Variants in KCNMB2 observed in about 807,000 individuals in gnomAD.
KCNMB2 encodes the protein potassium calcium-activated channel subfamily M regulatory beta subunit 2, also known as calcium-activated potassium channel subunit beta-2.
A neutral mutation model predicts 24.5 loss-of-function variants in KCNMB2; 9 were observed. The ratio of observed to expected loss-of-function variants is 0.37; its 90% confidence interval spans 0.22 to 0.64. KCNMB2 has a LOEUF of 0.64. Among genes scored for constraint, KCNMB2 ranks in the 30% least tolerant of loss-of-function variants. The pLI, the probability that KCNMB2 is intolerant of heterozygous loss-of-function variation, is 0.63. For missense variants in KCNMB2, 226 were observed against 284.3 expected, an observed-to-expected ratio of 0.79 and a Z score of 1.47; for synonymous variants, 109 against 104.4, an observed-to-expected ratio of 1.04 and a Z score of -0.27.
intron 1 of KCNMB2, among the ~76,000 whole-genome samples, chr3:178,718,083 T>C (rs1559987613): frequency 6.6e-6 from 1 of 152,220 alleles, no homozygotes; most frequent in East Asian, 1.9e-4. Context: ...TCCCTCTGAA[T>C]AATCTTTACT....
At chr3:178,828,143 T>A in intron 3 of KCNMB2, 35 bp from the exon 4 acceptor site, 1 of 1,516,508 alleles carries the variant, frequency 6.6e-7, no homozygotes, top group South Asian at 1.1e-5. Flanking sequence ...TATTAGCTCT[T>A]GGGCCTGTGT....
intron 1 of KCNMB2, among the ~76,000 whole-genome samples, chr3:178,729,653 T>A: frequency 6.6e-6 from 1 of 152,220 alleles, no homozygotes; most frequent in East Asian, 1.9e-4. Context: ...AATGACCACA[T>A]TGGGCAGATT....
intron 1 of KCNMB2, among the ~76,000 whole-genome samples, chr3:178,771,473 CTTTTTTT>C (rs66694279): frequency 2.6e-4 from 23 of 87,532 alleles, no homozygotes; most frequent in Admixed American, 6.5e-4. Context: ...TTCTTTCTTT[CTTTTTTT>C]TTTTTTTTTT....
chr3:178,734,007 G>A (rs944038076), intron 1 of KCNMB2, among the ~76,000 whole-genome samples: 3 of 152,128 alleles, frequency 2.0e-5, no homozygotes, highest in Admixed American at 6.5e-5. Context: ...AGTTGGATGT[G>A]GGATATGAGA....
intron 4 of KCNMB2, among the ~76,000 whole-genome samples, chr3:178,841,255 C>T (rs1156995289): frequency 6.6e-6 from 1 of 152,174 alleles, no homozygotes; most frequent in Non-Finnish European, 1.5e-5. Context: ...TACCTCATTC[C>T]AGACTTCTTT....
intron 1 of KCNMB2, among the ~76,000 whole-genome samples, chr3:178,750,847 C>T (rs1257035854): frequency 6.6e-6 from 1 of 152,228 alleles, no homozygotes; most frequent in African/African-American, 2.4e-5. Flanking sequence ...ACTTCCTCAT[C>T]AACTCCAGCA....
At chr3:178,734,284 CT>C in intron 1 of KCNMB2, among the ~76,000 whole-genome samples, 1 of 152,310 alleles carries the variant, frequency 6.6e-6, no homozygotes, top group Non-Finnish European at 1.5e-5. Flanking sequence ...AAGTTTTCCA[CT>C]TGTGGCATCA....
intron 1 of KCNMB2, among the ~76,000 whole-genome samples, chr3:178,647,438 C>T (rs943261428): frequency 6.6e-6 from 1 of 152,132 alleles, no homozygotes; most frequent in South Asian, 2.1e-4. Flanking sequence ...TGTGATTACT[C>T]GCCTGTTTCC....
At chr3:178,696,544 T>C (rs1029257208) in intron 1 of KCNMB2, among the ~76,000 whole-genome samples, 7 of 152,208 alleles carry the variant, frequency 4.6e-5, no homozygotes, top group African/African-American at 1.7e-4. Flanking sequence ...TTTTTCAAAA[T>C]ATCAGCTCCT....
intron 4 of KCNMB2, among the ~76,000 whole-genome samples, chr3:178,831,674 C>T (rs1715062737): frequency 6.6e-6 from 1 of 152,124 alleles, no homozygotes; most frequent in Admixed American, 6.5e-5. Flanking sequence ...CACATATTCT[C>T]ACTTAAAAGT....
chr3:178,700,477 T>C (rs772104868), intron 1 of KCNMB2, among the ~76,000 whole-genome samples: 14 of 152,212 alleles, frequency 9.2e-5, no homozygotes, highest in Non-Finnish European at 1.9e-4. Flanking sequence ...TTAGATTCAG[T>C]GAAAGGACTT....
intron 1 of KCNMB2, among the ~76,000 whole-genome samples, chr3:178,582,173 A>G (rs1020236998): frequency 3.3e-5 from 5 of 152,248 alleles, no homozygotes; most frequent in Admixed American, 6.5e-5. Context: ...ATTGAATACT[A>G]TGCAACCATA....
rs772490699 is a variant in KCNMB2, at chr3:178,842,931, T to C, written c.702T>C (p.Asn234=). The stretch of plus-strand genomic sequence containing the variant: ...TATGTGAGAGGATCCAACGGATCAA[T>C]AGATAAATGCAAAAATGGATAAAAT... ...SLLCERIQRI[N]R Residue 234 remains asparagine, a synonymous_variant, in exon 5 of 5, where the codon AAT becomes AAC. Transcript: ENST00000452583. The C allele has an allele frequency of 2.5e-6, 4 of 1,597,508 alleles. No homozygotes were observed. Among genetic ancestry groups the C allele is most frequent in the Non-Finnish European group, 2.6e-6 (3 of 1,171,704 alleles).
At chr3:178,729,060 C>A (rs992848564) in intron 1 of KCNMB2, among the ~76,000 whole-genome samples, 1 of 152,018 alleles carries the variant, frequency 6.6e-6, no homozygotes, top group African/African-American at 2.4e-5. Context: ...AAGGAAGTTA[C>A]CCGTGTGATA....
chr3:178,659,074 A>C (rs1577078196), intron 1 of KCNMB2, among the ~76,000 whole-genome samples: 1 of 152,246 alleles, frequency 6.6e-6, no homozygotes, highest in East Asian at 1.9e-4. Context: ...ACTCTGGCTA[A>C]AGGAGCTTTC....
In KCNMB2 at chr3:178,759,361, A is replaced by ATCTC. The variant is rs1553774998; in HGVS notation, c.-67-47981_-67-47978dup. 6.6e-5 allele frequency among the ~76,000 whole-genome samples: 2 copies of ATCTC among 30,506 alleles called. 1 individual carries two copies. Among genetic ancestry groups the ATCTC allele is most frequent in the African/African-American group, 3.9e-4 (2 of 5,064 alleles). 20.0% of individuals were successfully genotyped at this position (30,506 alleles called of 152,430 possible). ...TCCAAGAGGATATATATATATATAT[A>ATCTC]TCTCCAAGAGGATATATATATATAT... On this transcript the variant is annotated intron_variant, in intron 1 of 4. Coordinates refer to ENST00000452583, the MANE Select transcript of KCNMB2 (RefSeq NM_181361.3).
chr3:178,738,222 C>T (rs1201159846), intron 1 of KCNMB2, among the ~76,000 whole-genome samples: 2 of 152,112 alleles, frequency 1.3e-5, no homozygotes, highest in African/African-American at 2.4e-5. Context: ...ATTCTCACTC[C>T]CCATCTTTAA....
intron 1 of KCNMB2, among the ~76,000 whole-genome samples, chr3:178,680,374 C>G (rs1173684828): frequency 6.6e-6 from 1 of 152,194 alleles, no homozygotes; most frequent in African/African-American, 2.4e-5. Context: ...ACAGCTTCTA[C>G]AACACCTACC....
intron 2 of KCNMB2, among the ~76,000 whole-genome samples, chr3:178,824,404 T>G (rs753452621): frequency 6.6e-6 from 1 of 152,078 alleles, no homozygotes; most frequent in Non-Finnish European, 1.5e-5. Context: ...GACTCGCTCT[T>G]TCACCCAGGC....
Sources: gnomAD v4.1 joint callset for allele counts (sites outside exome capture counted in the v4.1 genomes callset) on GRCh38, gnomAD v4.1.1 for gene constraint, MANE v1.5 for transcripts, NCBI Gene and HGNC (gene_info 2026-07-23, HGNC 2026-07-21) for gene names.